Variants in MYO1G observed in about 807,000 individuals in gnomAD.
MYO1G encodes the protein myosin IG.
In MYO1G, 65 loss-of-function variants were observed where a neutral mutation model predicts 115.3. The ratio of observed to expected loss-of-function variants is 0.56; its 90% CI spans 0.46 to 0.69. The LOEUF is 0.69. Among genes scored for constraint, MYO1G ranks in the 30% least tolerant of loss-of-function variants. The pLI is 0.00. For synonymous variants in MYO1G, 510 were observed against 552.6 expected (o/e 0.92, Z 1.08); for missense variants, 1,204 against 1,393.5 (o/e 0.86, Z 2.16).
At position 44,966,878 on chromosome 7, in the gene MYO1G, C is replaced by T; in HGVS notation, c.1783-40G>A. ...GGGACTTGGAGAGGGTCTGCGCCAG[C>T]AGCACTGTGCACCCTGCCCCACACC... On this transcript the variant is annotated intron_variant, in intron 14 of 21. Coordinates refer to ENST00000258787, the MANE Select transcript of MYO1G (RefSeq NM_033054.3). This position sits in a 1 kb window ranked among gnomAD's most constrained non-coding sequence, Gnocchi z 5.0. 1 of 1,561,008 alleles carries T rather than the reference C, an allele frequency of 6.4e-7. No individual in the cohort carries two copies. Among genetic ancestry groups the T allele is most frequent in the Non-Finnish European group, 8.7e-7 (1 of 1,152,922 alleles).
Position 44,970,095 on chromosome 7 carries a change from A to G in MYO1G, c.1277T>C (p.Leu426Pro), listed in dbSNP as rs774762623. Residue 426 changes from leucine (L) to proline (P), a missense_variant, in exon 10 of 22, where the codon CTC (leucine) becomes CCC (proline). Coordinates refer to ENST00000258787, the MANE Select transcript of MYO1G (RefSeq NM_033054.3). The stretch of plus-strand genomic sequence containing the variant: ...CTCTTCCTGTTCCTGCTTCAGGATG[A>G]GCTGGATGAATAGCTGCTGCAGCTT... Reference protein sequence around the residue: ...NEKLQQLFIQLILKQEQEEYE... With the variant: ...NEKLQQLFIQPILKQEQEEYE... 6.2e-7 allele frequency: 1 copy of G among 1,614,058 alleles called. No individual in the cohort carries two copies. The highest frequency in any genetic ancestry group is 8.5e-7 in the Non-Finnish European group (1 of 1,180,010).
intron 17 of MYO1G, 59 bp from the exon 18 acceptor site, chr7:44,965,148 C>G: frequency 6.4e-7 from 1 of 1,555,372 alleles, no homozygotes; most frequent in South Asian, 1.2e-5. Flanking sequence ...CTCCCTGAGC[C>G]CCCTCTCCAC....
At chr7:44,975,923 C>T (rs1017867640) in intron 3 of MYO1G, among the ~76,000 whole-genome samples, 5 of 152,212 alleles carry the variant, frequency 3.3e-5, no homozygotes, top group African/African-American at 1.2e-4. Flanking sequence ...CTCACAGCCA[C>T]CTCTTCCCCT....
rs535530112 is a variant in MYO1G, at chr7:44,975,207, G to C, written c.585C>G (p.His195Gln). ...LLEKSRVLKQ[H>Q]VGERNFHAFY... is the part of the protein sequence containing the mutation. ...AGGCGTGGAAGTTTCTTTCACCCAC[G>C]TGCTGCTTGAGGACCCGAGACTGAG... The change falls in exon 5 of 22, where the codon CAC becomes CAG. Residue 195 changes from histidine to glutamine, a missense_variant. Transcript: ENST00000258787. 6.2e-7 allele frequency: 1 copy of C among 1,614,048 alleles called. No individual in the cohort carries two copies. Among genetic ancestry groups the C allele is most frequent in the Non-Finnish European group, 8.5e-7 (1 of 1,179,998 alleles).
At position 44,964,974 on chromosome 7, in the gene MYO1G, G is replaced by A. The variant is rs769773795; in HGVS notation, c.2497C>T (p.Arg833Trp). Residue 833 changes from arginine (R) to tryptophan (W), a missense_variant, in exon 18 of 22, where the codon CGG becomes TGG. By Grantham distance (101) the Arg-to-Trp change is moderately radical (BLOSUM62 -3). Transcript: ENST00000258787. This position sits in a 1 kb window ranked among gnomAD's most constrained non-coding sequence, Gnocchi z 5.1. Reference sequence around the variant, plus strand: ...GACAGGTAGTCTCGGGCCCAGGCCCGTCGGCAGCCCCAGTCCTGACGAAGC... The same window carrying A: ...GACAGGTAGTCTCGGGCCCAGGCCCATCGGCAGCCCCAGTCCTGACGAAGC... ...QGLRQDWGCR[R>W]AWARDYLSSA... 11 of 1,603,028 alleles carry A rather than the reference G, an allele frequency of 6.9e-6. No individual in the cohort carries two copies. Among genetic ancestry groups the A allele is most frequent in the African/African-American group, 2.7e-5 (2 of 74,724 alleles).
rs1199362206 is a variant in MYO1G, at chr7:44,970,891, T to C, written c.1015A>G (p.Ile339Val). The change falls in exon 8 of 22, where the codon ATA (isoleucine) becomes GTA (valine). Residue 339 changes from isoleucine to valine, a missense_variant. By Grantham distance (29) the Ile-to-Val change is conservative. Coordinates refer to ENST00000258787, the MANE Select transcript of MYO1G (RefSeq NM_033054.3). ...TCAGCTGCAGTGTGGCCCTTCTCTA[T>C]GAGTTCCCTGCCTCCCGAGGCAACT... ...RTVASGGRELIEKGHTAAEAS... is the reference protein window; with the variant it reads ...RTVASGGRELVEKGHTAAEAS... The C allele has an allele frequency of 1.9e-6, 3 of 1,613,394 alleles. No individual in the cohort carries two copies. In the Admixed American group the frequency reaches 5.0e-5, roughly 27 times the overall value.
rs1794961338 is a variant in MYO1G, at chr7:44,971,707, G to A, written c.812C>T (p.Ser271Phe). Residue 271 changes from serine (S) to phenylalanine (F), a missense_variant, in exon 7 of 22, where the codon TCT becomes TTT. Physicochemically the swap from Ser to Phe is radical, Grantham distance 155 (BLOSUM62 -2). Transcript: ENST00000258787. ...VIGFSPEEVE[S>F]VHRILAAILH... ...TATGGCAGCCAGGATGCGATGCACA[G>A]ACTCCACCTCTTCAGGACTGAAGCC... 1 of 1,557,886 alleles carries A rather than the reference G, an allele frequency of 6.4e-7. No homozygotes were observed. The highest frequency in any genetic ancestry group is 1.9e-5 in the Admixed American group (1 of 51,738).
rs376191367 is a variant in MYO1G at position 44,970,958 on chromosome 7, G to A, written c.948C>T (p.Ala316=). 1.6e-5 allele frequency: 26 copies of A among 1,613,478 alleles called. No individual in the cohort carries two copies. The highest frequency in any genetic ancestry group is 1.9e-5 in the Non-Finnish European group (23 of 1,180,010). The change falls in exon 8 of 22, where the codon GCC becomes GCT. Residue 316 remains alanine (A), a synonymous_variant. Coordinates refer to ENST00000258787, the MANE Select transcript of MYO1G (RefSeq NM_033054.3). ...AGCGGAGCACGAGGTCCCGGGGTGT[G>A]GCCGTCAGCTCAGCCACATGGTCCA... ...ALVDHVAELT[A]TPRDLVLRSL... is the part of the protein sequence containing the mutation.
rs1034158447 is a variant in MYO1G at position 44,963,212 on chromosome 7, G to C, written c.2746-88C>G. On this transcript the variant is annotated intron_variant, in intron 20 of 21. Transcript: ENST00000258787. The surrounding 1 kb of genome is among the most constrained non-coding windows in gnomAD (Gnocchi z 4.1). ...ACCCCCTCCCCAGGAAGCCTCTGCC[G>C]AACCCCCAACCGCACCCGGGGAGCG... 1 of 1,365,912 alleles carries C rather than the reference G, an allele frequency of 7.3e-7. No individual in the cohort carries two copies. The highest frequency in any genetic ancestry group is 1.6e-5 in the South Asian group (1 of 61,272). 84.6% of individuals were successfully genotyped at this position (1,365,912 alleles called of 1,614,324 possible). A position where few individuals can be genotyped will look rare whatever the true frequency, so the allele number is the denominator to read the frequency against.
At position 44,969,292 on chromosome 7, in the gene MYO1G, G is replaced by A; in HGVS notation, c.1574+121C>T. 1 of 842,556 alleles carries A rather than the reference G, an allele frequency of 1.2e-6. No individual in the cohort carries two copies. Among genetic ancestry groups the A allele is most frequent in the East Asian group, 2.4e-5 (1 of 41,104 alleles). The allele number at this position is 842,556 out of a possible 1,614,324, so 52.2% of individuals were successfully genotyped here. A position where few individuals can be genotyped will look rare whatever the true frequency, so the allele number is the denominator to read the frequency against. Reference sequence around the variant, plus strand: ...ATGTTTCAGTGTCTTAAAGGGGTGGGGGTGGCAGAAGTGGCCATAACACCT... The same window carrying A: ...ATGTTTCAGTGTCTTAAAGGGGTGGAGGTGGCAGAAGTGGCCATAACACCT... On this transcript the variant is annotated intron_variant, in intron 12 of 21. Coordinates refer to ENST00000258787, the MANE Select transcript of MYO1G (RefSeq NM_033054.3). The surrounding 1 kb of genome is among the most constrained non-coding windows in gnomAD (Gnocchi z 5.0).
At chr7:44,971,883 C>T in intron 6 of MYO1G, 94 bp from the exon 7 acceptor site, 1 of 949,808 alleles carries the variant, frequency 1.1e-6, no homozygotes, top group Non-Finnish European at 1.6e-6. Flanking sequence ...GGCACCTGCT[C>T]ACCCCTGTCC....
chr7:44,963,223 C>G lies in MYO1G; in HGVS notation c.2746-99G>C, dbSNP rs1402395399. ...AGGAAGCCTCTGCCGAACCCCCAAC[C>G]GCACCCGGGGAGCGCCGCCCTCGCC... On this transcript the variant is annotated intron_variant, in intron 20 of 21. Transcript: ENST00000258787. This position sits in a 1 kb window ranked among gnomAD's most constrained non-coding sequence, Gnocchi z 4.1. The G allele has an allele frequency of 1.5e-6, 2 of 1,350,740 alleles. No individual in the cohort carries two copies. The highest frequency in any genetic ancestry group is 3.1e-5 in the African/African-American group (2 of 64,574). The allele number at this position is 1,350,740 out of a possible 1,614,324, so 83.7% of individuals were successfully genotyped here. A position where few individuals can be genotyped will look rare whatever the true frequency, so the allele number is the denominator to read the frequency against.
Position 44,964,634 on chromosome 7 carries a change from G to A in MYO1G, c.2527-115C>T. On this transcript the variant is annotated intron_variant, in intron 18 of 21. Transcript: ENST00000258787. The surrounding 1 kb of genome is among the most constrained non-coding windows in gnomAD (Gnocchi z 5.1). Reference sequence around the variant, plus strand: ...GCTATCCTTCATCTCGGGAAACTGAGTCACACAGACTTGTGCGTGAGCTGA... The same window carrying A: ...GCTATCCTTCATCTCGGGAAACTGAATCACACAGACTTGTGCGTGAGCTGA... 1.1e-6 allele frequency: 1 copy of A among 925,670 alleles called. No homozygotes were observed. Among genetic ancestry groups the A allele is most frequent in the South Asian group, 1.4e-5 (1 of 71,144 alleles). The allele number at this position is 925,670 out of a possible 1,614,324, so 57.3% of individuals were successfully genotyped here.
In MYO1G at chr7:44,962,944, C is replaced by T; in HGVS notation, c.2900+26G>A. ...GCGGCCACGCGGCCGGGGCTTCGTG[C>T]CCGCTACCGCCCAGCCTGCACTCAC... is the stretch of plus-strand genomic sequence containing the variant. On this transcript the variant is annotated intron_variant, in intron 21 of 21. Transcript: ENST00000258787. This position sits in a 1 kb window ranked among gnomAD's most constrained non-coding sequence, Gnocchi z 5.3. 6.6e-7 allele frequency: 1 copy of T among 1,508,756 alleles called. No individual in the cohort carries two copies. Among genetic ancestry groups the T allele is most frequent in the South Asian group, 1.2e-5 (1 of 80,770 alleles). 93.5% of individuals were successfully genotyped at this position (1,508,756 alleles called of 1,614,324 possible). A position where few individuals can be genotyped will look rare whatever the true frequency, so the allele number is the denominator to read the frequency against.
Position 44,969,723 on chromosome 7 carries a change from T to C in MYO1G, c.1485A>G (p.Leu495=), listed in dbSNP as rs1217402458. The change falls in exon 11 of 22, where the codon CTA becomes CTG. Residue 495 remains leucine, a synonymous_variant. Coordinates refer to ENST00000258787, the MANE Select transcript of MYO1G (RefSeq NM_033054.3). The surrounding 1 kb of genome is among the most constrained non-coding windows in gnomAD (Gnocchi z 5.0). ...GGGGCACCTGGCGGCTGGTGTAGTG[T>C]AGGTGATGGCGGTGGTGCATGTCCA... ...QTLDMHHRHH[L]HYTSRQLCPT... 6.2e-7 allele frequency: 1 copy of C among 1,611,558 alleles called. No individual in the cohort carries two copies. Among genetic ancestry groups the C allele is most frequent in the African/African-American group, 1.3e-5 (1 of 74,826 alleles).
At position 44,971,565 on chromosome 7, in the gene MYO1G, C is replaced by T. The variant is rs894050288; in HGVS notation, c.846+108G>A. On this transcript the variant is annotated intron_variant, in intron 7 of 21. Transcript: ENST00000258787. Reference sequence around the variant, plus strand: ...TCTGCAGGAGAGGCAGTCAGCCTAGCACATTGCTGGGGCATCTCCAGCCAG... The same window carrying T: ...TCTGCAGGAGAGGCAGTCAGCCTAGTACATTGCTGGGGCATCTCCAGCCAG... The T allele has an allele frequency of 1.9e-4, 143 of 767,310 alleles. 1 individual carries two copies. The Admixed American group carries it at 3.2e-3, about 17-fold the overall frequency. The allele number at this position is 767,310 out of a possible 1,614,324, so 47.5% of individuals were successfully genotyped here. A position where few individuals can be genotyped will look rare whatever the true frequency, so the allele number is the denominator to read the frequency against.
At chr7:44,970,562 A>C in intron 9 of MYO1G, 30 bp downstream of exon 9, 1 of 1,610,088 alleles carries the variant, frequency 6.2e-7, no homozygotes, top group Non-Finnish European at 8.5e-7. Flanking sequence ...TGGGTGTCAG[A>C]GGTGGAGATG....
rs1477482958 is a variant in MYO1G, at chr7:44,965,009, G to A, written c.2462C>T (p.Ala821Val). ...QIKAKVAAMG[A>V]LQGLRQDWGC... ...CCAGTCCTGACGAAGCCCTTGCAGGGCCCCCATGGCGGCCACCTTGGCCTT... is the reference window on the plus strand; with the variant it reads ...CCAGTCCTGACGAAGCCCTTGCAGGACCCCCATGGCGGCCACCTTGGCCTT... Residue 821 changes from alanine (A) to valine (V), a missense_variant, in exon 18 of 22, where the codon GCC becomes GTC. Physicochemically the swap from Ala to Val is moderately conservative, Grantham distance 64 (BLOSUM62 0). Coordinates refer to ENST00000258787, the MANE Select transcript of MYO1G (RefSeq NM_033054.3). The A allele has an allele frequency of 6.2e-7, 1 of 1,611,092 alleles. No homozygotes were observed. Among genetic ancestry groups the A allele is most frequent in the Admixed American group, 1.7e-5 (1 of 59,998 alleles).
chr7:44,972,439 T>C (rs1186917839), intron 5 of MYO1G: 3 of 540,628 alleles, frequency 5.5e-6, no homozygotes, highest in Non-Finnish European at 1.0e-5. Context: ...GTGGGAGCTA[T>C]GACTCCACCA....
Sources: gnomAD v4.1 joint callset for allele counts (sites outside exome capture counted in the v4.1 genomes callset) on GRCh38, gnomAD v4.1.1 for gene constraint, Gnocchi (gnomAD v3.1) non-coding constraint, MANE v1.5 for transcripts, NCBI Gene and HGNC (gene_info 2026-07-23, HGNC 2026-07-21) for gene names.